Variants in NOTCH1 observed in about 807,000 individuals in gnomAD.
NOTCH1 encodes the protein neurogenic locus notch homolog protein 1.
Under a neutral mutation model 254.8 loss-of-function variants are expected in NOTCH1, and 37 were observed. The ratio of observed to expected loss-of-function variants is 0.15; its 90% CI spans 0.11 to 0.19. The LOEUF (loss-of-function observed/expected upper bound fraction) is 0.19, where lower values mean the gene tolerates loss of function less well. Among genes scored for constraint, NOTCH1 ranks in the 10% least tolerant of loss-of-function variants. The pLI is 1.00. For missense variants in NOTCH1, 2,972 were observed against 3,708.6 expected (o/e 0.80, Z 5.16); for synonymous variants, 1,731 against 1,618.1 (o/e 1.07, Z -1.68).
intron 13 of NOTCH1, among the ~76,000 whole-genome samples, chr9:136,514,246 C>G (rs578092073): frequency 6.6e-6 from 1 of 152,230 alleles, no homozygotes; most frequent in African/African-American, 2.4e-5. Context: ...ACCATGGAAA[C>G]GTGTTCCAGG....
Position 136,511,164 on chromosome 9 carries a change from T to G in NOTCH1, c.2575A>C (p.Thr859Pro). The change falls in exon 16 of 34, where the codon ACG becomes CCG. Residue 859 changes from threonine (T) to proline (P), a missense_variant. Physicochemically the swap from Thr to Pro is conservative, Grantham distance 38 (BLOSUM62 -1). Coordinates refer to ENST00000651671, the MANE Select transcript of NOTCH1 (RefSeq NM_017617.5). ...TGGCCAGCCTCACCTTGCCAGCCCG[T>G]GGGGCAGACACAGGAGAAGCTCTCA... is the stretch of plus-strand genomic sequence containing the variant. ...DYESFSCVCP[T>P]GWQGQTCEVD... The G allele has an allele frequency of 6.2e-7, 1 of 1,612,724 alleles. No individual in the cohort carries two copies. The highest frequency in any genetic ancestry group is 8.5e-7 in the Non-Finnish European group (1 of 1,179,944).
chr9:136,504,746 T>C lies in NOTCH1; in HGVS notation c.4945A>G (p.Lys1649Glu). 6.5e-7 allele frequency: 1 copy of C among 1,546,820 alleles called. No individual in the cohort carries two copies. The highest frequency in any genetic ancestry group is 2.0e-5 in the Admixed American group (1 of 50,960). Residue 1649 changes from lysine to glutamate, a missense_variant, in exon 26 of 34, where the codon AAG (lysine) becomes GAG (glutamate). Lys to Glu is a moderately conservative substitution (Grantham distance 56). Transcript: ENST00000651671. ...AAPDALLGQV[K>E]ASLLPGGSEG... ...CTGCCACCAGGGAGCAGCGAGGCCT[T>C]CACCTGGCCCAGCAGGGCGTCAGGT...
chr9:136,502,222 A>C (rs764807817), intron 28 of NOTCH1, 50 bp downstream of exon 28: 8 of 1,402,616 alleles, frequency 5.7e-6, no homozygotes, highest in Non-Finnish European at 7.7e-6. Flanking sequence ...ATGCTCGGCC[A>C]GGTCCCACCT....
At chr9:136,533,330 GAAA>G (rs1256461470) in intron 2 of NOTCH1, among the ~76,000 whole-genome samples, 45 of 47,682 alleles carry the variant, frequency 9.4e-4, no homozygotes, top group Admixed American at 1.2e-3. Flanking sequence ...ATCTCTTACT[GAAA>G]AGCCGTCAGG....
intron 4 of NOTCH1, among the ~76,000 whole-genome samples, chr9:136,522,137 C>T (rs112689381): frequency 2.0e-5 from 3 of 152,088 alleles, no homozygotes; most frequent in Non-Finnish European, 4.4e-5. Context: ...GCCACCATGC[C>T]TGGCTAATTT....
At position 136,533,288 on chromosome 9, in the gene NOTCH1, C is replaced by T. The variant is rs1039543204; in HGVS notation, c.141-9309G>A. On this transcript the variant is annotated intron_variant, in intron 2 of 33. Transcript: ENST00000651671. ...GGGGACTCTGGCCCAGCCCCCTCCG[C>T]GCACCAGCCAGTGCCCAGCCTGAGC... Among the ~76,000 whole-genome samples the T allele has an allele frequency of 2.4e-4, 11 of 45,218 alleles. 1 individual carries two copies. Among genetic ancestry groups the T allele is most frequent in the Non-Finnish European group, 4.3e-4 (11 of 25,830 alleles). 29.7% of individuals were successfully genotyped at this position (45,218 alleles called of 152,430 possible).
In NOTCH1 at chr9:136,511,243, C is replaced by T. The variant is rs61751551; in HGVS notation, c.2496G>A (p.Pro832=). The change falls in exon 16 of 34, where the codon CCG becomes CCA. Residue 832 remains proline, a synonymous_variant. Transcript: ENST00000651671. Reference sequence around the variant, plus strand: ...CGTTTCTGCAGGGGCTGGGGGCACACGGGGCCAGCACCACCTCACACGTGG... The same window carrying T: ...CGTTTCTGCAGGGGCTGGGGGCACATGGGGCCAGCACCACCTCACACGTGG... ...TGATCEVVLA[P]CAPSPCRNGG... The T allele has an allele frequency of 2.7e-5, 44 of 1,612,440 alleles. No individual in the cohort carries two copies. Among genetic ancestry groups the T allele is most frequent in the Non-Finnish European group, 3.6e-5 (42 of 1,179,918 alleles).
chr9:136,543,944 T>G (rs1843770996), intron 2 of NOTCH1, 80 bp downstream of exon 2: 1 of 1,306,558 alleles, frequency 7.7e-7, no homozygotes, highest in Non-Finnish European at 1.1e-6. Flanking sequence ...AATGGCCTAG[T>G]GTTCTGTCCC....
Position 136,523,773 on chromosome 9 carries a change from G to A in NOTCH1, c.347C>T (p.Thr116Ile), listed in dbSNP as rs1308100068. The A allele has an allele frequency of 3.1e-6, 5 of 1,611,692 alleles. No homozygotes were observed. The highest frequency in any genetic ancestry group is 4.2e-6 in the Non-Finnish European group (5 of 1,179,692). Reference sequence around the variant, plus strand: ...CTCCGTCAGCGTGAGCAGGTCGCAGGTGCCCCCGTTGCGGCAGGGGTTGGT... The same window carrying A: ...CTCCGTCAGCGTGAGCAGGTCGCAGATGCCCCCGTTGCGGCAGGGGTTGGT... ...CLTNPCRNGGTCDLLTLTEYK... is the reference protein window; with the variant it reads ...CLTNPCRNGGICDLLTLTEYK... The change falls in exon 3 of 34, where the codon ACC (threonine) becomes ATC (isoleucine). Residue 116 changes from threonine to isoleucine, a missense_variant. This residue lies in a region of NOTCH1 where 374 missense variants were observed against 496.3 expected (regional missense o/e 0.75). Coordinates refer to ENST00000651671, the MANE Select transcript of NOTCH1 (RefSeq NM_017617.5).
chr9:136,526,787 AAC>A (rs1236463353), intron 2 of NOTCH1, among the ~76,000 whole-genome samples: 1 of 152,192 alleles, frequency 6.6e-6, no homozygotes, highest in Non-Finnish European at 1.5e-5. Context: ...GCAAGAGGAA[AAC>A]ACGCCCCATA....
chr9:136,496,247 G>A lies in NOTCH1; in HGVS notation c.7492C>T (p.Pro2498Ser), dbSNP rs1842911385. The A allele has an allele frequency of 6.2e-7, 1 of 1,604,828 alleles. No homozygotes were observed. ...TCAGGCACCTGTAGCTGGTGGCTGG[G>A]GGTGTTGTCCACAGGCGAGGAGTAG... Reference protein sequence around the residue: ...HSYSSPVDNTPSHQLQVPEHP... With the variant: ...HSYSSPVDNTSSHQLQVPEHP... Residue 2498 changes from proline (P) to serine (S), a missense_variant, in exon 34 of 34, where the codon CCC becomes TCC. Pro to Ser is a moderately conservative substitution (Grantham distance 74). Around this residue, in one of 8 missense-constraint regions of NOTCH1, gnomAD observed 85 missense variants for 126.1 expected, o/e 0.67. Coordinates refer to ENST00000651671, the MANE Select transcript of NOTCH1 (RefSeq NM_017617.5).
At position 136,540,494 on chromosome 9, in the gene NOTCH1, G is replaced by A. The variant is rs144938007; in HGVS notation, c.140+3530C>T. The stretch of plus-strand genomic sequence containing the variant: ...CAATCAATTAAACATTCAGGAAGGA[G>A]GCTCTGGAAACCAGCACTGTCAGCC... On this transcript the variant is annotated intron_variant, in intron 2 of 33. Transcript: ENST00000651671. This position sits in a 1 kb window ranked among gnomAD's most constrained non-coding sequence, Gnocchi z 4.4. 4.6e-4 allele frequency among the ~76,000 whole-genome samples: 70 copies of A among 152,288 alleles called. No homozygotes were observed. The highest frequency in any genetic ancestry group is 1.6e-3 in the African/African-American group (68 of 41,556).
chr9:136,508,127 G>A lies in NOTCH1; in HGVS notation c.3338C>T (p.Ala1113Val), dbSNP rs377351349. Reference sequence around the variant, plus strand: ...GAGCCCTCCATGCTGGCACAGGCGGGCAACGTCAACACCTGCGGGGGATGG... The same window carrying A: ...GAGCCCTCCATGCTGGCACAGGCGGACAACGTCAACACCTGCGGGGGATGG... ...VAAQRQGVDV[A>V]RLCQHGGLCV... is the part of the protein sequence containing the mutation. The change falls in exon 21 of 34, where the codon GCC becomes GTC. Residue 1113 changes from alanine to valine, a missense_variant. Physicochemically the swap from Ala to Val is moderately conservative, Grantham distance 64. This residue lies in a region of NOTCH1 where 1,343 missense variants were observed against 1,557.0 expected (regional missense o/e 0.86). Transcript: ENST00000651671. 155 of 1,607,970 alleles carry A rather than the reference G, an allele frequency of 9.6e-5. No individual in the cohort carries two copies. Among genetic ancestry groups the A allele is most frequent in the Non-Finnish European group, 1.3e-4 (151 of 1,179,828 alleles).
chr9:136,533,393 C>T (rs1206577260), intron 2 of NOTCH1, among the ~76,000 whole-genome samples: 2 of 152,262 alleles, frequency 1.3e-5, no homozygotes, highest in Admixed American at 6.5e-5. Context: ...CTCTCATTTC[C>T]AGTAACTGTG....
chr9:136,527,563 TA>T (rs1843484038), intron 2 of NOTCH1, among the ~76,000 whole-genome samples: 1 of 152,080 alleles, frequency 6.6e-6, no homozygotes, highest in Non-Finnish European at 1.5e-5. Flanking sequence ...CCTCTGGGGC[TA>T]AAAAGTGAGG....
intron 10 of NOTCH1, 111 bp from the exon 11 acceptor site, chr9:136,515,827 G>T: frequency 8.3e-7 from 1 of 1,205,510 alleles, no homozygotes; most frequent in Non-Finnish European, 1.2e-6. Context: ...TCCGAGCGTG[G>T]CATTCCCACC....
chr9:136,541,378 G>A (rs898535271), intron 2 of NOTCH1, among the ~76,000 whole-genome samples: 10 of 152,328 alleles, frequency 6.6e-5, no homozygotes, highest in African/African-American at 2.4e-4. Context: ...GCCAGGCACT[G>A]TGACGCCCAT....
chr9:136,519,776 G>C (rs767853408), intron 4 of NOTCH1: 4 of 666,384 alleles, frequency 6.0e-6, no homozygotes, highest in Non-Finnish European at 7.9e-6. Flanking sequence ...TGGCTAAACA[G>C]GGACTCAGGA....
intron 33 of NOTCH1, 83 bp from the exon 34 acceptor site, chr9:136,497,641 A>G (rs571682879): frequency 2.7e-5 from 34 of 1,281,046 alleles, no homozygotes; most frequent in Admixed American, 1.4e-4. Flanking sequence ...CAGAGGAAGC[A>G]GCAGTACAAC....
Sources: allele counts gnomAD v4.1 joint callset (sites outside exome capture counted in the v4.1 genomes callset), GRCh38; gene constraint gnomAD v4.1.1; regional missense constraint gnomAD v4.1.1; non-coding constraint Gnocchi (gnomAD v3.1); transcripts MANE v1.5; gene names NCBI Gene and HGNC (gene_info 2026-07-23, HGNC 2026-07-21).